ATP2C1: variants seen among roughly 807,000 people sequenced by gnomAD.
ATP2C1 encodes calcium-transporting ATPase type 2C member 1.
A neutral mutation model predicts 120.5 loss-of-function variants in ATP2C1; 31 were observed. The observed-to-expected ratio is 0.26, with a 90% CI of 0.19 to 0.35. The LOEUF (loss-of-function observed/expected upper bound fraction) is 0.35, where lower values mean the gene tolerates loss of function less well. Ranked by LOEUF, ATP2C1 falls within the 10% of genes least tolerant of loss-of-function variation. The probability of loss-of-function intolerance (pLI) is 1.00; values close to 1 mark genes in which losing one functional copy is unlikely to be tolerated. For missense variants in ATP2C1, 731 were observed against 1,107.5 expected (o/e 0.66, Z 4.83); for synonymous variants, 351 against 358.7 (o/e 0.98, Z 0.24).
At chr3:130,943,235 A>C (rs1017176955) in intron 8 of ATP2C1, among the ~76,000 whole-genome samples, 1 of 152,124 alleles carries the variant, frequency 6.6e-6, no homozygotes, top group Non-Finnish European at 1.5e-5. Context: ...TTTGTTTTTG[A>C]GATGGAGTCT....
chr3:131,003,698 A>G (rs1194702110), downstream of ATP2C1, among the ~76,000 whole-genome samples: 1 of 152,196 alleles, frequency 6.6e-6, no homozygotes, highest in African/African-American at 2.4e-5. Context: ...ATATAGCAGT[A>G]ACCACCCTCA....
upstream of ATP2C1, among the ~76,000 whole-genome samples, chr3:130,893,754 C>T (rs2069297973): frequency 6.6e-6 from 1 of 152,190 alleles, no homozygotes; most frequent in Non-Finnish European, 1.5e-5. Flanking sequence ...GTGGGCGAAT[C>T]TCCGACCCTC....
At chr3:130,907,202 T>TA (rs552225409) in intron 2 of ATP2C1, among the ~76,000 whole-genome samples, 79 of 152,050 alleles carry the variant, frequency 5.2e-4, no homozygotes, top group Non-Finnish European at 8.1e-4. Context: ...GTTTATAAGA[T>TA]AATTATCAGA....
At chr3:130,946,091 T>C (rs1308348400) in intron 8 of ATP2C1, among the ~76,000 whole-genome samples, 1 of 152,198 alleles carries the variant, frequency 6.6e-6, no homozygotes, top group Non-Finnish European at 1.5e-5. Context: ...AAACCTATTT[T>C]TGATCTGATG....
chr3:131,014,187 T>C, intron 26 of ATP2C1: 1 of 1,614,018 alleles, frequency 6.2e-7, no homozygotes, highest in Non-Finnish European at 8.5e-7. Context: ...ACAGCTGGTA[T>C]TCTGTTTCTT....
chr3:130,898,409 G>C lies in ATP2C1; in HGVS notation c.6+3634G>C, dbSNP rs114841975. Among the ~76,000 whole-genome samples the C allele has an allele frequency of 7.5e-3, 1,145 of 152,264 alleles. 13 individuals carry two copies. Among genetic ancestry groups the C allele is most frequent in the African/African-American group, 0.026 (1,071 of 41,570 alleles). On this transcript the variant is annotated intron_variant, in intron 2 of 27. Coordinates refer to ENST00000510168, the MANE Select transcript of ATP2C1 (RefSeq NM_001378687.1). ...GGAGAAGCTATAGGGAAAAAGGGATGAGAAGCCACCTTAATTTTATTCCTT... is the reference window on the plus strand; with the variant it reads ...GGAGAAGCTATAGGGAAAAAGGGATCAGAAGCCACCTTAATTTTATTCCTT...
chr3:130,927,278 T>C (rs1458110908), intron 2 of ATP2C1, among the ~76,000 whole-genome samples: 4 of 151,466 alleles, frequency 2.6e-5, no homozygotes, highest in Non-Finnish European at 5.9e-5. Flanking sequence ...TCTCGCTCTG[T>C]CGCCCAGGCT....
At chr3:131,006,245 G>A (rs1469063984), downstream of ATP2C1, among the ~76,000 whole-genome samples, 7 of 152,148 alleles carry the variant, frequency 4.6e-5, no homozygotes, top group Non-Finnish European at 8.8e-5. Flanking sequence ...CCGAGTAGCT[G>A]GGATTACAGG....
At chr3:130,961,470 G>A (rs1018394273) in intron 12 of ATP2C1, among the ~76,000 whole-genome samples, 1 of 151,842 alleles carries the variant, frequency 6.6e-6, no homozygotes, top group African/African-American at 2.4e-5. Flanking sequence ...CTTTCTTGAA[G>A]TATTTTACAA....
intron 26 of ATP2C1, among the ~76,000 whole-genome samples, chr3:131,013,409 G>A (rs937046657): frequency 6.6e-6 from 1 of 152,182 alleles, no homozygotes. Flanking sequence ...AGGGCATAGG[G>A]TCTGGTATTG....
At chr3:130,906,946 A>G (rs1210279662) in intron 2 of ATP2C1, among the ~76,000 whole-genome samples, 1 of 152,074 alleles carries the variant, frequency 6.6e-6, no homozygotes, top group African/African-American at 2.4e-5. Flanking sequence ...TAGTTTTGCA[A>G]CTAGGAAGTG....
intron 1 of ATP2C1, among the ~76,000 whole-genome samples, chr3:130,853,816 A>C (rs1195561694): frequency 6.6e-6 from 1 of 152,174 alleles, no homozygotes; most frequent in Admixed American, 6.5e-5. Context: ...CCTGAGGCAT[A>C]CTGGAGCCTG....
chr3:130,919,397 A>G (rs1323291829), intron 2 of ATP2C1, among the ~76,000 whole-genome samples: 6 of 151,486 alleles, frequency 4.0e-5, no homozygotes, highest in South Asian at 2.1e-4. Context: ...GCTAATTTTT[A>G]TAGTAGAGAA....
chr3:130,968,324 T>C (rs547008457), intron 16 of ATP2C1, among the ~76,000 whole-genome samples: 9 of 152,236 alleles, frequency 5.9e-5, no homozygotes, highest in African/African-American at 2.2e-4. Context: ...GAAACTATCT[T>C]TTTATGGGCA....
chr3:130,982,738 T>G (rs1334921835), intron 20 of ATP2C1, among the ~76,000 whole-genome samples: 1 of 152,232 alleles, frequency 6.6e-6, no homozygotes, highest in Non-Finnish European at 1.5e-5. Flanking sequence ...AAATTGTTTC[T>G]GCATCTTAAG....
intron 4 of ATP2C1, 49 bp downstream of exon 4, chr3:130,932,187 G>T (rs1447243899): frequency 8.9e-7 from 1 of 1,123,112 alleles, no homozygotes; most frequent in African/African-American, 1.5e-5. Flanking sequence ...TTAATACATG[G>T]ACTTCTGTTA....
intron 16 of ATP2C1, 52 bp downstream of exon 16, chr3:130,967,471 A>C: frequency 7.1e-7 from 1 of 1,418,310 alleles, no homozygotes; most frequent in East Asian, 2.3e-5. Context: ...CCCTCACAAC[A>C]GAATGCAGTG....
chr3:130,859,651 T>C (rs1231050559), intron 1 of ATP2C1, among the ~76,000 whole-genome samples: 1 of 152,224 alleles, frequency 6.6e-6, no homozygotes, highest in Non-Finnish European at 1.5e-5. Context: ...TCCATCCTTC[T>C]TGTCCACAGC....
intron 1 of ATP2C1, among the ~76,000 whole-genome samples, chr3:130,887,384 G>C (rs1260047511): frequency 6.6e-6 from 1 of 152,190 alleles, no homozygotes; most frequent in Non-Finnish European, 1.5e-5. Context: ...AGGTGGTGAA[G>C]CCAGCCAGGT....
Sources: gnomAD v4.1 joint callset for allele counts (sites outside exome capture counted in the v4.1 genomes callset) on GRCh38, gnomAD v4.1.1 for gene constraint, MANE v1.5 for transcripts, NCBI Gene and HGNC (gene_info 2026-07-23, HGNC 2026-07-21) for gene names.